The following SGCZ variants were observed in gnomAD, a reference collection of about 807,000 sequenced individuals.
The protein encoded by SGCZ is zeta-sarcoglycan.
A neutral mutation model predicts 41.3 loss-of-function variants in SGCZ; 40 were observed. That is an observed-to-expected ratio of 0.97 (90% CI 0.75 to 1.26). The LOEUF (loss-of-function observed/expected upper bound fraction) is 1.26. Ranked by LOEUF, SGCZ falls within the 50% of genes most tolerant of loss-of-function variation. The pLI is 0.00. For missense variants in SGCZ, 552 were observed against 369.8 expected, an observed-to-expected ratio of 1.49 and a Z score of -4.04; for synonymous variants, 206 against 137.5, an observed-to-expected ratio of 1.50 and a Z score of -3.49.
At chr8:15,052,751 G>A (rs954520164) in intron 1 of SGCZ, among the ~76,000 whole-genome samples, 1 of 151,992 alleles carries the variant, frequency 6.6e-6, no homozygotes, top group Non-Finnish European at 1.5e-5. Flanking sequence ...ACATTCTTTG[G>A]AATGTCAAGT....
intron 2 of SGCZ, among the ~76,000 whole-genome samples, chr8:14,461,619 T>C (rs755224312): frequency 9.2e-5 from 14 of 152,118 alleles, no homozygotes; most frequent in Non-Finnish European, 1.8e-4. Flanking sequence ...GGCCAGCTCA[T>C]ATCCCTGAGG....
At chr8:14,136,183 T>C (rs756297528) in intron 5 of SGCZ, among the ~76,000 whole-genome samples, 11 of 152,006 alleles carry the variant, frequency 7.2e-5, no homozygotes, top group Non-Finnish European at 1.0e-4. Context: ...GGATGATGGT[T>C]CCAAGATGGC....
intron 2 of SGCZ, among the ~76,000 whole-genome samples, chr8:14,378,850 C>T (rs534057063): frequency 4.6e-5 from 7 of 152,138 alleles, no homozygotes; most frequent in African/African-American, 7.2e-5. Flanking sequence ...GAGTGTCAGA[C>T]GTGTGAGGAA....
rs1444794307 is a variant in SGCZ at position 15,038,832 on chromosome 8, A to AG, written c.39+198752_39+198753insC. On this transcript the variant is annotated intron_variant, in intron 1 of 7. Transcript: ENST00000382080. ...CATTTCTCAAAAAAAAAAAAAAAAA[A>AG]AAAAAAAGAAAGAAAGAAAGAAAAC... Among the ~76,000 whole-genome samples the AG allele has an allele frequency of 4.4e-3, 612 of 140,470 alleles. 10 individuals carry two copies. The highest frequency in any genetic ancestry group is 8.0e-3 in the South Asian group (37 of 4,628). The allele number at this position is 140,470 out of a possible 152,430, so 92.2% of individuals were successfully genotyped here.
chr8:15,101,766 C>T (rs1022833762), intron 1 of SGCZ, among the ~76,000 whole-genome samples: 1 of 152,090 alleles, frequency 6.6e-6, no homozygotes, highest in East Asian at 1.9e-4. Context: ...CCCATCTCTA[C>T]TAAAAATATA....
At chr8:15,208,685 C>T (rs944711853) in intron 1 of SGCZ, among the ~76,000 whole-genome samples, 2 of 152,012 alleles carry the variant, frequency 1.3e-5, no homozygotes, top group African/African-American at 4.8e-5. Flanking sequence ...AAGTGACTTG[C>T]TCAAGGTCTC....
intron 2 of SGCZ, among the ~76,000 whole-genome samples, chr8:14,363,968 T>C (rs772759069): frequency 1.2e-4 from 19 of 152,168 alleles, no homozygotes; most frequent in Non-Finnish European, 2.5e-4. Flanking sequence ...AGTGCAGAAG[T>C]AACATACTCC....
intron 1 of SGCZ, among the ~76,000 whole-genome samples, chr8:15,158,053 C>G (rs12674797): frequency 0.31 from 47,300 of 151,720 alleles, 7,689 homozygotes; most frequent in East Asian, 0.58. Flanking sequence ...CACCCCCTTT[C>G]CTTTGGCAAA....
intron 5 of SGCZ, among the ~76,000 whole-genome samples, chr8:14,142,195 A>G (rs1469758328): frequency 6.6e-6 from 1 of 152,168 alleles, no homozygotes; most frequent in Non-Finnish European, 1.5e-5. Context: ...GAGGGATAGC[A>G]CTGGGAGAAG....
intron 2 of SGCZ, among the ~76,000 whole-genome samples, chr8:14,430,083 A>G (rs1374519698): frequency 6.6e-6 from 1 of 152,090 alleles, no homozygotes; most frequent in Non-Finnish European, 1.5e-5. Flanking sequence ...GGTCTCCAAG[A>G]CCAGACAGAT....
At chr8:14,924,392 T>A (rs969729890) in intron 1 of SGCZ, among the ~76,000 whole-genome samples, 3 of 152,168 alleles carry the variant, frequency 2.0e-5, no homozygotes, top group Admixed American at 2.0e-4. Flanking sequence ...ACACTAGAGA[T>A]GAAAGCACCT....
chr8:14,105,940 A>AAAAT (rs1219043750), intron 6 of SGCZ, among the ~76,000 whole-genome samples: 2 of 152,190 alleles, frequency 1.3e-5, no homozygotes, highest in African/African-American at 4.8e-5. Flanking sequence ...AGTAAATTTA[A>AAAAT]AAATACTTCT....
chr8:14,310,862 CAG>C (rs765071798), intron 3 of SGCZ, among the ~76,000 whole-genome samples: 4 of 152,080 alleles, frequency 2.6e-5, no homozygotes, highest in Non-Finnish European at 5.9e-5. Flanking sequence ...TAGCAAGCTT[CAG>C]AGTCTCAGGG....
intron 1 of SGCZ, among the ~76,000 whole-genome samples, chr8:14,579,460 G>C (rs1345453239): frequency 6.6e-6 from 1 of 152,098 alleles, no homozygotes; most frequent in Non-Finnish European, 1.5e-5. Flanking sequence ...TCTGAATCAA[G>C]TGAAGCAGTA....
chr8:14,371,395 T>C (rs1803904273), intron 2 of SGCZ, among the ~76,000 whole-genome samples: 2 of 152,112 alleles, frequency 1.3e-5, no homozygotes, highest in Non-Finnish European at 2.9e-5. Context: ...TTTTCCGGTA[T>C]TAGCAATAAC....
At chr8:14,303,089 C>G (rs1801248263) in intron 3 of SGCZ, among the ~76,000 whole-genome samples, 1 of 151,974 alleles carries the variant, frequency 6.6e-6, no homozygotes, top group Non-Finnish European at 1.5e-5. Flanking sequence ...CATTAGATGC[C>G]CACTTTTACC....
intron 1 of SGCZ, among the ~76,000 whole-genome samples, chr8:15,210,649 C>T (rs1233256136): frequency 6.6e-6 from 1 of 152,144 alleles, no homozygotes; most frequent in Non-Finnish European, 1.5e-5. Context: ...AATACCTATG[C>T]AAAGTATGAG....
intron 1 of SGCZ, among the ~76,000 whole-genome samples, chr8:14,840,589 A>G (rs1802868286): frequency 6.6e-6 from 1 of 152,120 alleles, no homozygotes; most frequent in African/African-American, 2.4e-5. Flanking sequence ...AATCAATGTC[A>G]AAGAAACCAA....
chr8:14,784,247 T>A (rs1800681822), intron 1 of SGCZ, among the ~76,000 whole-genome samples: 1 of 151,902 alleles, frequency 6.6e-6, no homozygotes, highest in Non-Finnish European at 1.5e-5. Flanking sequence ...AGACAAGGTC[T>A]CAATATGTTG....
Sources: gnomAD v4.1 joint callset for allele counts (sites outside exome capture counted in the v4.1 genomes callset) on GRCh38, gnomAD v4.1.1 for gene constraint, MANE v1.5 for transcripts, NCBI Gene and HGNC (gene_info 2026-07-23, HGNC 2026-07-21) for gene names.